The following TEX36 variants were observed in gnomAD, a reference collection of about 807,000 sequenced individuals.
TEX36 encodes testis expressed 36.
TEX36 carries 12 observed loss-of-function variants against 13.6 expected under a neutral mutation model. The observed-to-expected ratio is 0.88, with a 90% CI of 0.56 to 1.43. The LOEUF is 1.43. TEX36 is among the 40% of genes most tolerant of loss of function. TEX36 has a pLI of 0.00. For synonymous variants in TEX36, 93 were observed against 83.0 expected (o/e 1.12, Z -0.65); for missense variants, 224 against 228.3 (o/e 0.98, Z 0.12).
intron 3 of TEX36, among the ~76,000 whole-genome samples, chr10:125,602,930 T>C (rs568914346): frequency 6.6e-4 from 101 of 152,284 alleles, no homozygotes; most frequent in African/African-American, 2.3e-3. Flanking sequence ...CACCTGGAGA[T>C]TTCCATGGGG....
At chr10:125,593,191 C>T (rs377245635) in intron 3 of TEX36, among the ~76,000 whole-genome samples, 43 of 152,344 alleles carry the variant, frequency 2.8e-4, no homozygotes, top group East Asian at 1.4e-3. Context: ...CCAAGGGCCC[C>T]AGCCACCAGT....
At chr10:125,577,098 G>A (rs1845833850) in intron 3 of TEX36, among the ~76,000 whole-genome samples, 2 of 152,190 alleles carry the variant, frequency 1.3e-5, no homozygotes, top group Non-Finnish European at 1.5e-5. Flanking sequence ...CTCTCTGACT[G>A]GAAGGATGGG....
intron 3 of TEX36, among the ~76,000 whole-genome samples, chr10:125,581,664 C>G (rs374168219): frequency 2.0e-5 from 3 of 152,182 alleles, no homozygotes; most frequent in South Asian, 2.1e-4. Flanking sequence ...TTTTTCCCCC[C>G]TAAGGTTGAG....
At chr10:125,621,971 C>T (rs1291354885) in intron 3 of TEX36, among the ~76,000 whole-genome samples, 1 of 152,210 alleles carries the variant, frequency 6.6e-6, no homozygotes. Context: ...GGGTCTTCCT[C>T]TCCCAGTCCA....
chr10:125,588,383 A>G (rs1212645856), intron 3 of TEX36, among the ~76,000 whole-genome samples: 1 of 152,236 alleles, frequency 6.6e-6, no homozygotes, highest in Non-Finnish European at 1.5e-5. Context: ...ATTGCTTTAG[A>G]GAAATACCTG....
chr10:125,645,367 T>C (rs967558726), intron 3 of TEX36, among the ~76,000 whole-genome samples: 2 of 152,142 alleles, frequency 1.3e-5, no homozygotes, highest in Admixed American at 1.3e-4. Flanking sequence ...TCATGGTTAA[T>C]AGGTTATCAT....
intron 3 of TEX36, among the ~76,000 whole-genome samples, chr10:125,583,580 A>G (rs1427296582): frequency 6.6e-6 from 1 of 152,208 alleles, no homozygotes; most frequent in Non-Finnish European, 1.5e-5. Flanking sequence ...CAATACTATC[A>G]TACTGGCAAT....
chr10:125,589,571 AG>A (rs1191811895), intron 3 of TEX36, among the ~76,000 whole-genome samples: 1 of 152,214 alleles, frequency 6.6e-6, no homozygotes, highest in African/African-American at 2.4e-5. Flanking sequence ...AAATTTGATC[AG>A]TATTGGATAT....
At chr10:125,599,610 C>T (rs1407616559) in intron 3 of TEX36, among the ~76,000 whole-genome samples, 1 of 152,092 alleles carries the variant, frequency 6.6e-6, no homozygotes, top group African/African-American at 2.4e-5. Context: ...ATATGAGCAC[C>T]AAGGTTTACC....
intron 3 of TEX36, among the ~76,000 whole-genome samples, chr10:125,626,230 C>G (rs1323819894): frequency 1.3e-5 from 2 of 152,180 alleles, no homozygotes; most frequent in Non-Finnish European, 2.9e-5. Context: ...GGTAAACAAC[C>G]TGCACACTGA....
At chr10:125,672,879 A>G (rs1038861820) in intron 1 of TEX36, among the ~76,000 whole-genome samples, 2 of 152,278 alleles carry the variant, frequency 1.3e-5, no homozygotes, top group Admixed American at 1.3e-4. Context: ...CCATTATTCA[A>G]TGCCCTTCTC....
At position 125,655,778 on chromosome 10, in the gene TEX36, T is replaced by G. The variant is rs1846930161; in HGVS notation, c.*122A>C. ...ACAAGGATTTGAATGTTTTTTGACC[T>G]TATAAAAATCATAAAAGTACTTTAA... On this transcript the variant is annotated 3_prime_UTR_variant, in exon 4 of 4. Coordinates refer to ENST00000368821, the MANE Select transcript of TEX36 (RefSeq NM_001128202.3). The G allele has an allele frequency of 1.5e-6, 2 of 1,344,588 alleles. No homozygotes were observed. The highest frequency in any genetic ancestry group is 9.5e-7 in the Non-Finnish European group (1 of 1,047,744). The allele number at this position is 1,344,588 out of a possible 1,614,324, so 83.3% of individuals were successfully genotyped here.
chr10:125,666,344 T>C (rs9422921), intron 1 of TEX36, among the ~76,000 whole-genome samples: 2 of 152,298 alleles, frequency 1.3e-5, no homozygotes, highest in South Asian at 4.1e-4. Flanking sequence ...TGGCTGTATA[T>C]GGTCTTTGTT....
rs112082300 is a variant in TEX36, at chr10:125,635,377, G to C, written c.265-13732C>G. ...GGTCCTATCATTAGCCCCAATATAA[G>C]GATATGAAAACTAAGACTTAGAAGT... On this transcript the variant is annotated intron_variant, in intron 3 of 3. Transcript: ENST00000526819. 5.2e-4 allele frequency among the ~76,000 whole-genome samples: 79 copies of C among 152,254 alleles called. 1 individual carries two copies. The highest frequency in any genetic ancestry group is 1.8e-3 in the African/African-American group (76 of 41,552).
At chr10:125,579,042 AGGACTCCT>A (rs1484440368) in intron 3 of TEX36, among the ~76,000 whole-genome samples, 1 of 152,174 alleles carries the variant, frequency 6.6e-6, no homozygotes, top group African/African-American at 2.4e-5. Flanking sequence ...CGTTACAGAA[AGGACTCCT>A]GATTAGTCAG....
At chr10:125,645,184 A>C (rs142531538) in intron 3 of TEX36, among the ~76,000 whole-genome samples, 1,577 of 152,298 alleles carry the variant, frequency 0.01, 11 homozygotes, top group Middle Eastern at 0.034. Context: ...TGTTGTTATA[A>C]GCCACTAAAT....
chr10:125,673,635 A>T (rs1012580920), intron 1 of TEX36, among the ~76,000 whole-genome samples: 4 of 146,112 alleles, frequency 2.7e-5, no homozygotes, highest in African/African-American at 1.0e-4. Flanking sequence ...AATGGAACCC[A>T]GGAGGTGGAG....
chr10:125,636,742 C>G (rs921791983), intron 3 of TEX36, among the ~76,000 whole-genome samples: 1 of 152,210 alleles, frequency 6.6e-6, no homozygotes, highest in Non-Finnish European at 1.5e-5. Flanking sequence ...CTCTCACTCT[C>G]AGTTCCCTGC....
At chr10:125,600,830 G>A (rs1198248531) in intron 3 of TEX36, among the ~76,000 whole-genome samples, 1 of 152,218 alleles carries the variant, frequency 6.6e-6, no homozygotes, top group Non-Finnish European at 1.5e-5. Flanking sequence ...AGCCCTGTCT[G>A]TGAGAAAGCA....
Sources: allele counts gnomAD v4.1 joint callset (sites outside exome capture counted in the v4.1 genomes callset), GRCh38; gene constraint gnomAD v4.1.1; transcripts MANE v1.5; gene names NCBI Gene and HGNC (gene_info 2026-07-23, HGNC 2026-07-21).